WNT7B: variants seen among roughly 807,000 people sequenced by gnomAD.
WNT7B encodes the protein protein Wnt-7b.
WNT7B carries 19 observed loss-of-function variants against 38.2 expected under a neutral mutation model. The ratio of observed to expected loss-of-function variants is 0.50; its 90% CI spans 0.35 to 0.73. WNT7B has a LOEUF of 0.73. Ranked by LOEUF, WNT7B falls within the 30% of genes least tolerant of loss-of-function variation. WNT7B has a pLI of 0.01. For missense variants in WNT7B, 423 were observed against 507.9 expected, an observed-to-expected ratio of 0.83 and a Z score of 1.61; for synonymous variants, 243 against 209.3, an observed-to-expected ratio of 1.16 and a Z score of -1.39.
chr22:45,950,720 CACACCCATGAAATGGGGGTATAAA>C (rs1931912507), intron 1 of WNT7B, among the ~76,000 whole-genome samples: 1 of 152,098 alleles, frequency 6.6e-6, no homozygotes, highest in African/African-American at 2.4e-5. Context: ...CCTCAGTTTC[CACACCCATGAAATGGGGGTATAAA>C]ACACCCATCC....
In WNT7B at chr22:45,922,580, C is replaced by T; in HGVS notation, c.*276G>A. ...AGAGAAGAAAGAGAACTTGCCGGGC[C>T]CCGTCGGGGAGCACCAAGACCCCTG... On this transcript the variant is annotated 3_prime_UTR_variant, in exon 4 of 4. Coordinates refer to ENST00000339464, the MANE Select transcript of WNT7B (RefSeq NM_058238.3). 2.1e-6 allele frequency: 1 copy of T among 482,976 alleles called. No homozygotes were observed. The highest frequency in any genetic ancestry group is 3.7e-6 in the Non-Finnish European group (1 of 273,770). The allele number at this position is 482,976 out of a possible 1,614,324, so 29.9% of individuals were successfully genotyped here. A position where few individuals can be genotyped will look rare whatever the true frequency, so the allele number is the denominator to read the frequency against.
At chr22:45,939,632 A>ACACACACAC (rs1931593545) in intron 2 of WNT7B, among the ~76,000 whole-genome samples, 13 of 144,788 alleles carry the variant, frequency 9.0e-5, no homozygotes, top group African/African-American at 1.6e-4. Flanking sequence ...TGTCTCTACA[A>ACACACACAC]ACACACACAC....
chr22:45,934,047 G>A (rs76329182), intron 2 of WNT7B, among the ~76,000 whole-genome samples: 7,416 of 152,306 alleles, frequency 0.049, 594 homozygotes, highest in African/African-American at 0.17. Context: ...TGCGCCGGGC[G>A]CACACCCAGC....
intron 3 of WNT7B, among the ~76,000 whole-genome samples, chr22:45,929,633 C>T (rs1931237414): frequency 1.7e-5 from 2 of 118,138 alleles, no homozygotes; most frequent in South Asian, 2.6e-4. Flanking sequence ...TCCTTCCATC[C>T]ATGCATCCAC....
Position 45,949,347 on chromosome 22 carries a change from C to T in WNT7B, c.298+573G>A, listed in dbSNP as rs193267776. Among the ~76,000 whole-genome samples the T allele has an allele frequency of 4.2e-4, 64 of 150,724 alleles. No homozygotes were observed. The East Asian group carries it at 0.012, about 28-fold the overall frequency. ...CCCACACCCGCCCACCCACCCTGCC[C>T]TCCGGCCATTGGATTCCCCGTGCTC... is the stretch of plus-strand genomic sequence containing the variant. On this transcript the variant is annotated intron_variant, in intron 2 of 3. Transcript: ENST00000339464.
At chr22:45,968,254 T>G (rs1489637383) in intron 1 of WNT7B, among the ~76,000 whole-genome samples, 1 of 152,056 alleles carries the variant, frequency 6.6e-6, no homozygotes, top group Admixed American at 6.5e-5. Context: ...GGTCCACCAC[T>G]CCTTCCTGAA....
intron 3 of WNT7B, chr22:45,927,188 CA>C (rs1345127869): frequency 4.1e-6 from 4 of 985,444 alleles, no homozygotes; most frequent in South Asian, 4.7e-5. Flanking sequence ...GACCATGTGC[CA>C]GGGGCAGAGC....
chr22:45,929,360 C>T (rs1278121117), intron 3 of WNT7B, among the ~76,000 whole-genome samples: 1 of 151,480 alleles, frequency 6.6e-6, no homozygotes, highest in Non-Finnish European at 1.5e-5. Flanking sequence ...CTTTATCCAT[C>T]CATCTATTCA....
intron 3 of WNT7B, chr22:45,925,513 G>C (rs913316396): frequency 4.8e-5 from 47 of 985,162 alleles, no homozygotes; most frequent in Admixed American, 6.2e-5. Context: ...TCATGGGCCA[G>C]AGCCTGGACT....
intron 1 of WNT7B, among the ~76,000 whole-genome samples, chr22:45,955,115 C>T (rs913394869): frequency 6.6e-6 from 1 of 152,240 alleles, no homozygotes; most frequent in Non-Finnish European, 1.5e-5. Context: ...GGCTGTGCAG[C>T]AATTCATTCC....
At chr22:45,972,141 C>T (rs1193422239) in intron 1 of WNT7B, 6 of 616,364 alleles carry the variant, frequency 9.7e-6, no homozygotes, top group Middle Eastern at 4.1e-4. Flanking sequence ...CCGCACGCCG[C>T]CCGCGGCACT....
chr22:45,943,674 G>A (rs999535418), intron 2 of WNT7B, among the ~76,000 whole-genome samples: 1 of 152,218 alleles, frequency 6.6e-6, no homozygotes, highest in African/African-American at 2.4e-5. Context: ...TGGCCCTTGG[G>A]GGCAACATGG....
chr22:45,943,039 G>C (rs1288397931), intron 2 of WNT7B, among the ~76,000 whole-genome samples: 1 of 140,822 alleles, frequency 7.1e-6, no homozygotes, highest in African/African-American at 3.0e-5. Flanking sequence ...GTGTGCGCGT[G>C]TGTGCAGCAT....
At chr22:45,956,742 C>T (rs1413738868) in intron 1 of WNT7B, among the ~76,000 whole-genome samples, 1 of 152,242 alleles carries the variant, frequency 6.6e-6, no homozygotes, top group African/African-American at 2.4e-5. Flanking sequence ...CACACGTCAA[C>T]ACGGATGGGC....
chr22:45,959,118 G>A (rs1932137211), intron 1 of WNT7B, among the ~76,000 whole-genome samples: 1 of 152,214 alleles, frequency 6.6e-6, no homozygotes, highest in South Asian at 2.1e-4. Context: ...AATGAATGGT[G>A]GGTGACGAGT....
chr22:45,977,020 C>T lies in WNT7B; in HGVS notation c.-266G>A, dbSNP rs1851863022. 2.0e-6 allele frequency: 2 copies of T among 985,234 alleles called. No homozygotes were observed. The highest frequency in any genetic ancestry group is 1.8e-5 in the African/African-American group (1 of 57,120). 61.0% of individuals were successfully genotyped at this position (985,234 alleles called of 1,614,324 possible). On this transcript the variant is annotated 5_prime_UTR_variant, in exon 1 of 4. Transcript: ENST00000339464. ...AAGCCCGGTTGAGCGACCGTGGACC[C>T]CTGCAAGCGCGGGCCGGGGGCCCGG...
Position 45,952,866 on chromosome 22 carries a change from C to T in WNT7B, c.72-2720G>A, listed in dbSNP as rs543405159. ...CATAGCTCTCCATTGCCCAGGGGAC[C>T]GTCCCAGCCCCTGTGCCTGGAACTA... On this transcript the variant is annotated intron_variant, in intron 1 of 3. Coordinates refer to ENST00000339464, the MANE Select transcript of WNT7B (RefSeq NM_058238.3). Among the ~76,000 whole-genome samples the T allele has an allele frequency of 5.9e-5, 9 of 152,324 alleles. No individual in the cohort carries two copies. In the South Asian group the frequency reaches 1.0e-3, roughly 18 times the overall value.
At chr22:45,956,183 C>T (rs890292453) in intron 1 of WNT7B, among the ~76,000 whole-genome samples, 1 of 152,208 alleles carries the variant, frequency 6.6e-6, no homozygotes, top group African/African-American at 2.4e-5. Context: ...AAATTCCTAG[C>T]TGTGAGACTC....
chr22:45,976,976 G>A lies in WNT7B; in HGVS notation c.-222C>T, dbSNP rs1447933956. ...GCGTGAGCCCGGGGAATTGACCCAG[G>A]CTGGGGGCCGCGACCTCGAAGCCCG... On this transcript the variant is annotated 5_prime_UTR_variant, in exon 1 of 4. Coordinates refer to ENST00000339464, the MANE Select transcript of WNT7B (RefSeq NM_058238.3). The surrounding 1 kb of genome is among the most constrained non-coding windows in gnomAD (Gnocchi z 8.5). 1 of 987,096 alleles carries A rather than the reference G, an allele frequency of 1.0e-6. No homozygotes were observed. Among genetic ancestry groups the A allele is most frequent in the Non-Finnish European group, 1.2e-6 (1 of 831,528 alleles). 61.1% of individuals were successfully genotyped at this position (987,096 alleles called of 1,614,324 possible).
Sources: gnomAD v4.1 joint callset for allele counts (sites outside exome capture counted in the v4.1 genomes callset) on GRCh38, gnomAD v4.1.1 for gene constraint, Gnocchi (gnomAD v3.1) non-coding constraint, MANE v1.5 for transcripts, NCBI Gene and HGNC (gene_info 2026-07-23, HGNC 2026-07-21) for gene names.